ZDHHC11: variants seen among roughly 807,000 people sequenced by gnomAD.
ZDHHC11 encodes the protein zDHHC palmitoyltransferase 11, also known as palmitoyltransferase ZDHHC11.
Under a neutral mutation model 51.3 loss-of-function variants are expected in ZDHHC11, and 44 were observed. The ratio of observed to expected loss-of-function variants is 0.86; its 90% CI spans 0.67 to 1.10. ZDHHC11 has a LOEUF of 1.10. ZDHHC11 is among the 50% of genes least tolerant of loss of function. The probability of loss-of-function intolerance (pLI) is 0.00; values close to 1 mark genes in which losing one functional copy is unlikely to be tolerated. For synonymous variants in ZDHHC11, 163 were observed against 222.0 expected (o/e 0.73, Z 2.36); for missense variants, 400 against 537.7 (o/e 0.74, Z 2.53).
Position 840,655 on chromosome 5 carries a change from G to A in ZDHHC11, c.629-5C>T, listed in dbSNP as rs1285739648. The A allele has an allele frequency of 6.2e-7, 1 of 1,613,646 alleles. No individual in the cohort carries two copies. Among genetic ancestry groups the A allele is most frequent in the Non-Finnish European group, 8.5e-7 (1 of 1,179,852 alleles). ...ACGTGTTCATATTCTTGACATCTGG[G>A]GAGACAAGGGAGAGCCACTGTGTCC... On this transcript the variant is annotated splice_polypyrimidine_tract_variant and splice_region_variant and intron_variant, in intron 4 of 12. Coordinates refer to ENST00000283441, the MANE Select transcript of ZDHHC11 (RefSeq NM_024786.3).
chr5:857,918 A>T (rs1231754440), intron 1 of ZDHHC11, among the ~76,000 whole-genome samples: 1 of 111,418 alleles, frequency 9.0e-6, no homozygotes, highest in Admixed American at 9.7e-5. Flanking sequence ...GAGTCTGTCC[A>T]GGTCCCTGTC....
At chr5:850,313 A>G in intron 1 of ZDHHC11, 68 bp downstream of exon 1, 2 of 1,537,918 alleles carry the variant, frequency 1.3e-6, no homozygotes, top group Admixed American at 1.9e-5. Context: ...CAGACCCCAC[A>G]GCCAGGTCCA....
At chr5:834,186 GGT>G (rs1743460426) in intron 6 of ZDHHC11, among the ~76,000 whole-genome samples, 1 of 152,262 alleles carries the variant, frequency 6.6e-6, no homozygotes, top group Admixed American at 6.5e-5. Flanking sequence ...CATTCTCCTG[GGT>G]GTGTGGTAGT....
chr5:822,362 G>A (rs1741680700), intron 8 of ZDHHC11, among the ~76,000 whole-genome samples: 1 of 151,456 alleles, frequency 6.6e-6, no homozygotes, highest in African/African-American at 2.4e-5. Flanking sequence ...CAGACACCGT[G>A]CTCTGGGACT....
chr5:858,708 C>T (rs530360588), intron 1 of ZDHHC11, among the ~76,000 whole-genome samples: 71 of 152,288 alleles, frequency 4.7e-4, no homozygotes, highest in African/African-American at 1.6e-3. Flanking sequence ...TCCTCTACTC[C>T]CCACAGTGGA....
chr5:846,665 G>T (rs1398523757), intron 3 of ZDHHC11, among the ~76,000 whole-genome samples: 2 of 136,702 alleles, frequency 1.5e-5, no homozygotes, highest in East Asian at 2.1e-4. Flanking sequence ...AATACCTCTC[G>T]CCTGTGAGCC....
At chr5:807,752 T>C (rs1443120159) in intron 11 of ZDHHC11, among the ~76,000 whole-genome samples, 10 of 152,016 alleles carry the variant, frequency 6.6e-5, no homozygotes, top group African/African-American at 1.9e-4. Context: ...TAAAAACTTA[T>C]GAGATTATAG....
chr5:802,087 G>A (rs1188245375), intron 11 of ZDHHC11, among the ~76,000 whole-genome samples: 1 of 151,382 alleles, frequency 6.6e-6, no homozygotes, highest in Admixed American at 6.6e-5. Context: ...AGACCCCCAG[G>A]AATTGCCACA....
chr5:860,337 G>T (rs1415586985), upstream of ZDHHC11, among the ~76,000 whole-genome samples: 7 of 152,184 alleles, frequency 4.6e-5, no homozygotes, highest in South Asian at 1.2e-3. This position sits in a 1 kb window ranked among gnomAD's most constrained non-coding sequence, Gnocchi z 4.2. Flanking sequence ...AGTGGCTTGT[G>T]AGGCCTCTTC....
chr5:816,672 A>C (rs1449582672), intron 10 of ZDHHC11: 1 of 618,726 alleles, frequency 1.6e-6, no homozygotes, highest in Admixed American at 1.9e-5. Flanking sequence ...CCAGAGTCCA[A>C]GCCCGTTTTG....
At chr5:852,055 C>CA (rs111722785), upstream of ZDHHC11, among the ~76,000 whole-genome samples, 4,845 of 106,772 alleles carry the variant, frequency 0.045, 120 homozygotes, top group Non-Finnish European at 0.07. Context: ...GACTCCATCT[C>CA]AAAAAAAAAA....
At chr5:816,433 T>G (rs1381269358) in intron 10 of ZDHHC11, 3 of 449,160 alleles carry the variant, frequency 6.7e-6, no homozygotes, top group African/African-American at 6.0e-5. Context: ...GGACAGGCAG[T>G]GGCCGTAGCG....
chr5:857,168 C>T (rs1373952102), intron 1 of ZDHHC11, among the ~76,000 whole-genome samples: 9 of 152,216 alleles, frequency 5.9e-5, no homozygotes, highest in South Asian at 2.1e-4. Context: ...CCCCTTAGCA[C>T]GACTAAGGCT....
At chr5:812,389 C>T (rs1740207043) in intron 11 of ZDHHC11, among the ~76,000 whole-genome samples, 1 of 151,978 alleles carries the variant, frequency 6.6e-6, no homozygotes, top group Admixed American at 6.6e-5. Context: ...ATCGACAATA[C>T]AAACAACTCC....
chr5:805,430 C>G (rs1561231962), intron 11 of ZDHHC11, among the ~76,000 whole-genome samples: 1 of 148,902 alleles, frequency 6.7e-6, no homozygotes, highest in Non-Finnish European at 1.5e-5. Context: ...AGTCCTGTCT[C>G]AAAAAAAAAT....
chr5:813,874 C>G (rs951036163), intron 11 of ZDHHC11, among the ~76,000 whole-genome samples: 4 of 140,432 alleles, frequency 2.8e-5, no homozygotes, highest in Non-Finnish European at 6.0e-5. Flanking sequence ...TGACTGTGTG[C>G]GAGTGTGTGT....
At chr5:849,978 C>CA (rs984219827) in intron 1 of ZDHHC11, among the ~76,000 whole-genome samples, 7 of 152,238 alleles carry the variant, frequency 4.6e-5, no homozygotes, top group African/African-American at 1.7e-4. Context: ...CTAAGCTTGG[C>CA]ATGGAAACGC....
chr5:849,841 C>G (rs1746867894), intron 1 of ZDHHC11: 1 of 155,130 alleles, frequency 6.4e-6, no homozygotes, highest in African/African-American at 2.4e-5. Flanking sequence ...TCCATGGCAA[C>G]CAAATAGAAG....
intron 1 of ZDHHC11, chr5:850,180 T>C (rs1746943018): frequency 1.1e-5 from 7 of 625,744 alleles, no homozygotes; most frequent in Non-Finnish European, 1.9e-5. Flanking sequence ...CAGCCAACGC[T>C]GTCCTGTCCT....
Sources: allele counts gnomAD v4.1 joint callset (sites outside exome capture counted in the v4.1 genomes callset), GRCh38; gene constraint gnomAD v4.1.1; non-coding constraint Gnocchi (gnomAD v3.1); transcripts MANE v1.5; gene names NCBI Gene and HGNC (gene_info 2026-07-23, HGNC 2026-07-21).